Variants in BRD9 observed in about 807,000 individuals in gnomAD.
BRD9 encodes bromodomain-containing protein 9.
A neutral mutation model predicts 68.7 loss-of-function variants in BRD9; 47 were observed. That is an observed-to-expected ratio of 0.68 (90% CI 0.54 to 0.87). The LOEUF is 0.87. BRD9 is among the 40% of genes least tolerant of loss of function. The pLI, the probability that BRD9 is intolerant of heterozygous loss-of-function variation, is 0.00. For missense variants in BRD9, 670 were observed against 748.4 expected, an observed-to-expected ratio of 0.90 and a Z score of 1.22; for synonymous variants, 313 against 293.9, an observed-to-expected ratio of 1.06 and a Z score of -0.67.
At chr5:865,681 AGGACAATAATTGCTCTG>A in intron 14 of BRD9, 100 bp from the exon 15 acceptor site, 1 of 1,312,228 alleles carries the variant, frequency 7.6e-7, no homozygotes, top group Non-Finnish European at 1.0e-6. Context: ...CTCTCTGCTC[AGGACAATAATTGCTCTG>A]GAAACTGAGT....
chr5:881,065 A>T (rs1168680089), intron 9 of BRD9, 42 bp downstream of exon 9: 1 of 1,590,026 alleles, frequency 6.3e-7, no homozygotes, highest in Admixed American at 1.7e-5. Context: ...CCCAAAAAGC[A>T]GTGTACGGAG....
At chr5:876,269 C>G in intron 11 of BRD9, 57 bp from the exon 12 acceptor site, 2 of 1,373,066 alleles carry the variant, frequency 1.5e-6, no homozygotes, top group South Asian at 2.4e-5. Flanking sequence ...CTGGCCCTCG[C>G]GGCAGCCCTG....
chr5:880,997 C>G, intron 9 of BRD9, 110 bp downstream of exon 9: 2 of 1,129,812 alleles, frequency 1.8e-6, no homozygotes, highest in East Asian at 4.8e-5. Flanking sequence ...AGCCGGGCAG[C>G]CTCTCATGCT....
At chr5:884,107 C>G in intron 7 of BRD9, 37 bp from the exon 8 acceptor site, 4 of 1,602,218 alleles carry the variant, frequency 2.5e-6, no homozygotes, top group Non-Finnish European at 3.4e-6. Context: ...CTGGAGGCAG[C>G]GTCCCCACCG....
intron 12 of BRD9, among the ~76,000 whole-genome samples, chr5:875,672 C>A (rs1023217109): frequency 1.3e-5 from 2 of 152,038 alleles, no homozygotes; most frequent in Non-Finnish European, 2.9e-5. Context: ...AGCAACAATG[C>A]AAGTCAAACC....
At chr5:874,264 A>T in intron 12 of BRD9, among the ~76,000 whole-genome samples, 2 of 152,208 alleles carry the variant, frequency 1.3e-5, no homozygotes. Context: ...CCCAGCTCTT[A>T]AAATTCTAGC....
rs76679619 is a variant in BRD9 at position 875,889 on chromosome 5, G to C, written c.1383+212C>G. Among the ~76,000 whole-genome samples, 11,173 of 152,290 alleles carry C rather than the reference G, an allele frequency of 0.073. 684 individuals are homozygous for C. The highest frequency in any genetic ancestry group is 0.2 in the Admixed American group (2,984 of 15,300). ...TGAAAGATGAAGATGGAAATAGAGA[G>C]TTACGAGTGCGCTGGGAGTGGTGAG... On this transcript the variant is annotated intron_variant, in intron 12 of 15. Coordinates refer to ENST00000467963, the MANE Select transcript of BRD9 (RefSeq NM_023924.5).
At position 864,409 on chromosome 5, in the gene BRD9, T is replaced by G; in HGVS notation, c.*59A>C. The stretch of plus-strand genomic sequence containing the variant: ...AAAGTCCTTGTCTGATGACAAAAAC[T>G]CTACACGTGCAAAATAAAACTAAAA... On this transcript the variant is annotated 3_prime_UTR_variant, in exon 16 of 16. Transcript: ENST00000467963. 4 of 1,420,242 alleles carry G rather than the reference T, an allele frequency of 2.8e-6. No individual in the cohort carries two copies. The highest frequency in any genetic ancestry group is 3.9e-6 in the Non-Finnish European group (4 of 1,035,222). The allele number at this position is 1,420,242 out of a possible 1,614,324, so 88.0% of individuals were successfully genotyped here. A position where few individuals can be genotyped will look rare whatever the true frequency, so the allele number is the denominator to read the frequency against.
chr5:880,591 G>C (rs1031843728), intron 9 of BRD9, among the ~76,000 whole-genome samples: 4 of 152,154 alleles, frequency 2.6e-5, no homozygotes, highest in African/African-American at 9.7e-5. Context: ...TCAAACCCAA[G>C]TGATCACACT....
At position 876,144 on chromosome 5, in the gene BRD9, A is replaced by G; in HGVS notation, c.1340T>C (p.Ile447Thr). 2 of 1,613,646 alleles carry G rather than the reference A, an allele frequency of 1.2e-6. No individual in the cohort carries two copies. The highest frequency in any genetic ancestry group is 1.7e-5 in the Admixed American group (1 of 59,992). Residue 447 changes from isoleucine (I) to threonine (T), a missense_variant, in exon 12 of 16, where the codon ATC (isoleucine) becomes ACC (threonine). Coordinates refer to ENST00000467963, the MANE Select transcript of BRD9 (RefSeq NM_023924.5). ...CGTCCTAGAGTGGTCTCCGCCTGTG[A>G]TCTGGTCCAGGAGGTCGTCCACCAC... is the stretch of plus-strand genomic sequence containing the variant. Reference protein sequence around the residue: ...KKVVDDLLDQITGGDHSRTLF... With the variant: ...KKVVDDLLDQTTGGDHSRTLF...
chr5:876,479 T>A (rs979548068), intron 11 of BRD9, among the ~76,000 whole-genome samples: 13 of 152,184 alleles, frequency 8.5e-5, no homozygotes, highest in African/African-American at 2.9e-4. Flanking sequence ...ACGTGTGCTA[T>A]GTTATCATCT....
At chr5:889,781 A>G in intron 3 of BRD9, 134 bp from the exon 4 acceptor site, 2 of 1,500,700 alleles carry the variant, frequency 1.3e-6, no homozygotes, top group Non-Finnish European at 1.8e-6. Flanking sequence ...GGATATAAAG[A>G]TACATCCGAC....
chr5:880,444 CT>C, intron 9 of BRD9, among the ~76,000 whole-genome samples: 1 of 151,536 alleles, frequency 6.6e-6, no homozygotes, highest in Middle Eastern at 3.4e-3. Flanking sequence ...CCTTCACACA[CT>C]GGAGAAAACC....
Position 891,283 on chromosome 5 carries a change from T to C in BRD9, c.272A>G (p.Glu91Gly). The C allele has an allele frequency of 6.4e-7, 1 of 1,551,232 alleles. No individual in the cohort carries two copies. ...DDEERRKRKE[E>G]KKRKREREHC... The stretch of plus-strand genomic sequence containing the variant: ...CTCCCTCTCTCGCTTCCGCTTCTTC[T>C]CTTCCTGGGCGGCAGAGTCAAGGGA... Residue 91 changes from glutamate (E) to glycine (G), a missense_variant, in exon 3 of 16, where the codon GAG becomes GGG. Physicochemically the swap from Glu to Gly is moderately conservative, Grantham distance 98. Coordinates refer to ENST00000467963, the MANE Select transcript of BRD9 (RefSeq NM_023924.5).
Position 873,355 on chromosome 5 carries a change from G to A in BRD9, c.1384-1791C>T, listed in dbSNP as rs146984161. ...TCTTTGTTCTGAATTTCTTCCTGAC[G>A]GGCCTGGAGGAAGCCACACCCACAA... On this transcript the variant is annotated intron_variant, in intron 12 of 15. Coordinates refer to ENST00000467963, the MANE Select transcript of BRD9 (RefSeq NM_023924.5). 3.9e-5 allele frequency among the ~76,000 whole-genome samples: 6 copies of A among 152,190 alleles called. No individual in the cohort carries two copies. The South Asian group carries it at 6.2e-4, about 16-fold the overall frequency.
chr5:884,367 G>C (rs1484021392), intron 7 of BRD9, among the ~76,000 whole-genome samples: 1 of 152,250 alleles, frequency 6.6e-6, no homozygotes, highest in Non-Finnish European at 1.5e-5. Flanking sequence ...CAAAGTAACA[G>C]ATGCCCACAC....
intron 14 of BRD9, chr5:869,119 T>G: frequency 3.4e-6 from 1 of 297,062 alleles, no homozygotes; most frequent in Non-Finnish European, 6.6e-6. Flanking sequence ...CAGGGAAACA[T>G]CTGTAAATGA....
intron 5 of BRD9, 45 bp downstream of exon 5, chr5:888,976 C>G: frequency 1.3e-6 from 2 of 1,579,038 alleles, no homozygotes; most frequent in Non-Finnish European, 1.7e-6. Flanking sequence ...GACATGAATA[C>G]ACAGAACTAT....
rs186126868 is a variant in BRD9, at chr5:874,603, G to A, written c.1383+1498C>T. Among the ~76,000 whole-genome samples the A allele has an allele frequency of 9.8e-5, 15 of 152,336 alleles. No homozygotes were observed. In the East Asian group the frequency reaches 2.9e-3, roughly 29 times the overall value. On this transcript the variant is annotated intron_variant, in intron 12 of 15. Transcript: ENST00000467963. ...AACAGAAACAGAACCGGAAACGGCA[G>A]AGGCGACAGACTCAGTGACTGAGGA...
Sources: allele counts gnomAD v4.1 joint callset (sites outside exome capture counted in the v4.1 genomes callset), GRCh38; gene constraint gnomAD v4.1.1; transcripts MANE v1.5; gene names NCBI Gene and HGNC (gene_info 2026-07-23, HGNC 2026-07-21).